RAPGEF2: variants seen among roughly 807,000 people sequenced by gnomAD.
The protein encoded by RAPGEF2 is Rap guanine nucleotide exchange factor 2.
Under a neutral mutation model 186.7 loss-of-function variants are expected in RAPGEF2, and 54 were observed. The ratio of observed to expected loss-of-function variants is 0.29; its 90% CI spans 0.23 to 0.36. The LOEUF is 0.36. Among genes scored for constraint, RAPGEF2 ranks in the 10% least tolerant of loss-of-function variants. RAPGEF2 has a pLI of 1.00. For synonymous variants in RAPGEF2, 712 were observed against 705.9 expected (o/e 1.01, Z -0.14); for missense variants, 1,532 against 2,045.0 (o/e 0.75, Z 4.84).
intron 7 of RAPGEF2, among the ~76,000 whole-genome samples, chr4:159,273,300 T>C (rs1473563125): frequency 6.6e-6 from 1 of 152,232 alleles, no homozygotes; most frequent in Non-Finnish European, 1.5e-5. Flanking sequence ...TGGCAACAAA[T>C]AATAGATCTT....
chr4:159,291,070 G>A (rs1457815226), intron 7 of RAPGEF2, among the ~76,000 whole-genome samples: 2 of 152,178 alleles, frequency 1.3e-5, no homozygotes, highest in Non-Finnish European at 2.9e-5. Context: ...CAGTGTTTTT[G>A]TTAGCAACTT....
Position 159,314,602 on chromosome 4 carries a change from C to T in RAPGEF2, c.687C>T (p.Ser229=), listed in dbSNP as rs758850000. The T allele has an allele frequency of 2.5e-5, 40 of 1,608,216 alleles. No individual in the cohort carries two copies. The Middle Eastern group carries it at 1.5e-3, about 60-fold the overall frequency. The change falls in exon 9 of 30, where the codon AGC becomes AGT. Residue 229 remains serine (S), a synonymous_variant. Coordinates refer to ENST00000691494, the MANE Select transcript of RAPGEF2 (RefSeq NM_001394067.2). ...GTGTGTGTCTTAAGGCCACAGAAAG[C>T]GAGGCTGGTGATATGGACCTGAGTG... ...SLSDIYQATE[S]EAGDMDLSGL...
At chr4:159,355,820 G>T (rs976598752) in intron 28 of RAPGEF2, 33 bp from the exon 29 acceptor site, 2 of 1,510,652 alleles carry the variant, frequency 1.3e-6, no homozygotes, top group African/African-American at 2.8e-5. Flanking sequence ...GCATGAACTA[G>T]TTTTTAATGC....
chr4:159,331,723 C>G lies in RAPGEF2; in HGVS notation c.1669C>G (p.Pro557Ala). Residue 557 changes from proline to alanine, a missense_variant, in exon 15 of 30, where the codon CCT becomes GCT. By Grantham distance (27) the Pro-to-Ala change is conservative. Coordinates refer to ENST00000691494, the MANE Select transcript of RAPGEF2 (RefSeq NM_001394067.2). The stretch of plus-strand genomic sequence containing the variant: ...GTTAACAAAACCATCCCGAGAAGCT[C>G]CTTTGCCTTTTATCTTACTTGGAGG... ...MTLTKPSREAPLPFILLGGSE... is the reference protein window; with the variant it reads ...MTLTKPSREAALPFILLGGSE... 1.9e-6 allele frequency: 3 copies of G among 1,614,046 alleles called. No homozygotes were observed. Among genetic ancestry groups the G allele is most frequent in the South Asian group, 2.2e-5 (2 of 91,078 alleles).
chr4:159,126,158 T>G (rs1203816523), intron 1 of RAPGEF2, among the ~76,000 whole-genome samples: 1 of 152,232 alleles, frequency 6.6e-6, no homozygotes, highest in Non-Finnish European at 1.5e-5. Flanking sequence ...ACAATATTTT[T>G]TTGGAAAGGA....
chr4:159,323,926 AGTCTCT>A (rs1438569800), intron 11 of RAPGEF2, among the ~76,000 whole-genome samples: 1 of 145,916 alleles, frequency 6.9e-6, no homozygotes, highest in African/African-American at 2.6e-5. Context: ...TTTGAGACAG[AGTCTCT>A]GTCTCCCAGG....
rs551035409 is a variant in RAPGEF2, at chr4:159,230,632, G to A, written c.282-8177G>A. ...TTGGTCTTTATAGGTTTGACATTCA[G>A]ATCTTTGCGGGGGTAACCCTAAAGC... On this transcript the variant is annotated intron_variant, in intron 4 of 29. Coordinates refer to ENST00000691494, the MANE Select transcript of RAPGEF2 (RefSeq NM_001394067.2). 7.0e-4 allele frequency among the ~76,000 whole-genome samples: 106 copies of A among 152,304 alleles called. 1 individual carries two copies. The Middle Eastern group carries it at 0.014, about 20-fold the overall frequency.
At chr4:159,327,378 T>G (rs1046296268) in intron 11 of RAPGEF2, 1 of 152,146 alleles carries the variant, frequency 6.6e-6, no homozygotes, top group East Asian at 1.9e-4. Context: ...ATTCAGAGAT[T>G]TTCTGAACAG....
chr4:159,210,821 A>G (rs913368032), intron 4 of RAPGEF2, among the ~76,000 whole-genome samples: 5 of 152,228 alleles, frequency 3.3e-5, no homozygotes, highest in South Asian at 2.1e-4. Flanking sequence ...CATTTGTTAC[A>G]TGATCATGTC....
chr4:159,228,444 G>C (rs1026294267), intron 4 of RAPGEF2: 2 of 152,162 alleles, frequency 1.3e-5, no homozygotes, highest in Non-Finnish European at 2.9e-5. Flanking sequence ...AAACTACTGA[G>C]GAATGAACGG....
chr4:159,152,280 C>G (rs2111194140), intron 1 of RAPGEF2, among the ~76,000 whole-genome samples: 1 of 152,142 alleles, frequency 6.6e-6, no homozygotes, highest in South Asian at 2.1e-4. Context: ...AGGATCACAC[C>G]ACTGCACTCT....
At chr4:159,119,028 T>A (rs761065604) in intron 1 of RAPGEF2, among the ~76,000 whole-genome samples, 1 of 152,246 alleles carries the variant, frequency 6.6e-6, no homozygotes, top group Non-Finnish European at 1.5e-5. Flanking sequence ...TAATGACTGA[T>A]TCACTAAAGT....
intron 1 of RAPGEF2, among the ~76,000 whole-genome samples, chr4:159,162,012 T>C (rs1023295122): frequency 6.6e-6 from 1 of 152,228 alleles, no homozygotes; most frequent in African/African-American, 2.4e-5. Context: ...GAATGCAGCA[T>C]GCAAACAGCT....
At position 159,341,893 on chromosome 4, in the gene RAPGEF2, T is replaced by C; in HGVS notation, c.2864T>C (p.Ile955Thr). 2 of 1,613,668 alleles carry C rather than the reference T, an allele frequency of 1.2e-6. No homozygotes were observed. Among genetic ancestry groups the C allele is most frequent in the East Asian group, 2.2e-5 (1 of 44,862 alleles). ...AAGATCATTAAGCATTTCATCAAGA[T>C]AGCACTGCACTGTAGGGAATGCAAG... The part of the protein sequence containing the change: ...RMKIIKHFIK[I>T]ALHCRECKNF... The change falls in exon 20 of 30, where the codon ATA (isoleucine) becomes ACA (threonine). Residue 955 changes from isoleucine (I) to threonine (T), a missense_variant. By Grantham distance (89) the Ile-to-Thr change is moderately conservative (BLOSUM62 -1). Coordinates refer to ENST00000691494, the MANE Select transcript of RAPGEF2 (RefSeq NM_001394067.2).
intron 1 of RAPGEF2, among the ~76,000 whole-genome samples, chr4:159,148,283 GTCTTTA>G (rs1399820267): frequency 3.9e-5 from 6 of 152,168 alleles, no homozygotes; most frequent in African/African-American, 4.8e-5. Context: ...CTGAGTGCCA[GTCTTTA>G]TCTTTAAAGT....
At chr4:159,348,828 CTT>C (rs1011683761) in intron 25 of RAPGEF2, among the ~76,000 whole-genome samples, 2 of 151,984 alleles carry the variant, frequency 1.3e-5, no homozygotes, top group African/African-American at 4.8e-5. Context: ...TATATGTTGT[CTT>C]ATATTTATTT....
chr4:159,354,513 G>T (rs1282665369), intron 28 of RAPGEF2, among the ~76,000 whole-genome samples: 2 of 152,166 alleles, frequency 1.3e-5, no homozygotes, highest in Non-Finnish European at 2.9e-5. Context: ...GCACATTGTT[G>T]ATAAGCAATT....
At chr4:159,358,065 ATTAC>A in intron 29 of RAPGEF2, 45 bp from the exon 30 acceptor site, 2 of 1,585,922 alleles carry the variant, frequency 1.3e-6, no homozygotes, top group Non-Finnish European at 1.7e-6. Flanking sequence ...AGCACAAGAA[ATTAC>A]TTGCTTGCTC....
At chr4:159,186,559 T>A (rs768020082) in intron 1 of RAPGEF2, 83 bp from the exon 2 acceptor site, 12 of 587,460 alleles carry the variant, frequency 2.0e-5, no homozygotes, top group Non-Finnish European at 3.1e-5. Flanking sequence ...TAGTTTAATT[T>A]GGTTTGTAGA....
Sources: gnomAD v4.1 joint callset for allele counts (sites outside exome capture counted in the v4.1 genomes callset) on GRCh38, gnomAD v4.1.1 for gene constraint, MANE v1.5 for transcripts, NCBI Gene and HGNC (gene_info 2026-07-23, HGNC 2026-07-21) for gene names.